The following CHRM3 variants were observed in gnomAD, a reference collection of about 807,000 sequenced individuals.
CHRM3 encodes cholinergic receptor muscarinic 3.
In CHRM3, 11 loss-of-function variants were observed where a neutral mutation model predicts 41.8. The ratio of observed to expected loss-of-function variants is 0.26; its 90% CI spans 0.17 to 0.44. The LOEUF is 0.44. Among genes scored for constraint, CHRM3 ranks in the 20% least tolerant of loss-of-function variants. The pLI is 1.00. For synonymous variants in CHRM3, 297 were observed against 301.4 expected, an observed-to-expected ratio of 0.99 and a Z score of 0.15; for missense variants, 571 against 745.4, an observed-to-expected ratio of 0.77 and a Z score of 2.72.
chr1:239,737,209 A>T (rs1375431636), intron 5 of CHRM3, among the ~76,000 whole-genome samples: 1 of 152,220 alleles, frequency 6.6e-6, no homozygotes, highest in Non-Finnish European at 1.5e-5. Flanking sequence ...AAGAATTTTC[A>T]TCCCACATTT....
chr1:239,872,287 G>C (rs184710070), intron 6 of CHRM3, among the ~76,000 whole-genome samples: 1 of 152,168 alleles, frequency 6.6e-6, no homozygotes, highest in Admixed American at 6.5e-5. Flanking sequence ...AACCCGAAAG[G>C]CCTTAGTTTT....
At chr1:239,496,959 A>T (rs1026497244) in intron 2 of CHRM3, among the ~76,000 whole-genome samples, 1 of 152,138 alleles carries the variant, frequency 6.6e-6, no homozygotes, top group Non-Finnish European at 1.5e-5. Context: ...TTTAGGTTGG[A>T]TGCATGGTAA....
chr1:239,431,180 C>T (rs1468307335), intron 1 of CHRM3, among the ~76,000 whole-genome samples: 5 of 152,036 alleles, frequency 3.3e-5, no homozygotes, highest in African/African-American at 9.7e-5. Context: ...CAGTCAAATG[C>T]TCGTGTACAT....
intron 6 of CHRM3, among the ~76,000 whole-genome samples, chr1:239,882,176 G>T (rs867630851): frequency 1.8e-4 from 28 of 152,132 alleles, no homozygotes; most frequent in Non-Finnish European, 1.2e-4. Flanking sequence ...CCAAAGTGCT[G>T]GGATTACAGG....
chr1:239,399,125 G>GTGA (rs945811498), intron 1 of CHRM3, among the ~76,000 whole-genome samples: 19 of 152,220 alleles, frequency 1.2e-4, no homozygotes, highest in African/African-American at 4.6e-4. Context: ...GGTAACGATG[G>GTGA]TGATGATGAT....
intron 6 of CHRM3, among the ~76,000 whole-genome samples, chr1:239,864,494 C>T (rs994596697): frequency 1.3e-5 from 2 of 149,992 alleles, no homozygotes; most frequent in African/African-American, 2.5e-5. Context: ...GCAACAAGAG[C>T]GAAACTCCGT....
Position 239,480,543 on chromosome 1 carries a change from A to ATTTTGTTTTTTTTTT in CHRM3, c.-520-12162_-520-12161insGTTTTTTTTTTTTTT, listed in dbSNP as rs1558254333. ...ACTCAGGTAATCCTACGATAGCCCA[A>ATTTTGTTTTTTTTTT]TTTTTTTTTTTTTTTTTTTTTTTTT... is the stretch of plus-strand genomic sequence containing the variant. On this transcript the variant is annotated intron_variant, in intron 1 of 6. Transcript: ENST00000676153. 4.5e-5 allele frequency among the ~76,000 whole-genome samples: 5 copies of ATTTTGTTTTTTTTTT among 110,720 alleles called. 2 individuals carry two copies. The highest frequency in any genetic ancestry group is 5.2e-5 in the Non-Finnish European group (3 of 57,530). 72.6% of individuals were successfully genotyped at this position (110,720 alleles called of 152,430 possible).
chr1:239,750,625 T>A (rs866678991), intron 5 of CHRM3, among the ~76,000 whole-genome samples: 1 of 152,196 alleles, frequency 6.6e-6, no homozygotes, highest in African/African-American at 2.4e-5. Flanking sequence ...CTTGCGTTAA[T>A]CACAGAGTTT....
chr1:239,588,228 T>C (rs969841492), intron 3 of CHRM3, among the ~76,000 whole-genome samples: 9 of 152,328 alleles, frequency 5.9e-5, no homozygotes, highest in African/African-American at 1.2e-4. Flanking sequence ...CTAGGGACAG[T>C]ATTTATGAAA....
intron 1 of CHRM3, among the ~76,000 whole-genome samples, chr1:239,403,203 CTT>C (rs1291137357): frequency 6.6e-6 from 1 of 152,178 alleles, no homozygotes; most frequent in East Asian, 1.9e-4. Flanking sequence ...GCCTCGTAGA[CTT>C]TACACCTTGT....
intron 6 of CHRM3, among the ~76,000 whole-genome samples, chr1:239,864,890 C>T (rs1202198157): frequency 6.6e-6 from 1 of 152,100 alleles, no homozygotes; most frequent in Non-Finnish European, 1.5e-5. Context: ...AGAGAAGAAC[C>T]TGATGCTGTC....
At chr1:239,767,236 ATAAATTAAAGT>A (rs1667302612) in intron 5 of CHRM3, among the ~76,000 whole-genome samples, 1 of 152,146 alleles carries the variant, frequency 6.6e-6, no homozygotes, top group Admixed American at 6.5e-5. Context: ...CATGCCTAAG[ATAAATTAAAGT>A]TAAATTGTTA....
At chr1:239,517,133 C>T (rs1470068350) in intron 2 of CHRM3, among the ~76,000 whole-genome samples, 1 of 152,126 alleles carries the variant, frequency 6.6e-6, no homozygotes, top group African/African-American at 2.4e-5. Context: ...CTGCCCGGTC[C>T]ATAGAAAAAT....
intron 6 of CHRM3, among the ~76,000 whole-genome samples, chr1:239,858,521 G>A (rs1277013734): frequency 4.3e-4 from 62 of 143,686 alleles, no homozygotes; most frequent in South Asian, 4.4e-4. Flanking sequence ...TTTTCATTTG[G>A]AAAAAAAAAA....
chr1:239,814,514 T>C (rs1671408502), intron 5 of CHRM3, among the ~76,000 whole-genome samples: 2 of 152,182 alleles, frequency 1.3e-5, no homozygotes, highest in Non-Finnish European at 2.9e-5. Context: ...CCTGTTTTCT[T>C]TCCTCTGTGG....
intron 6 of CHRM3, among the ~76,000 whole-genome samples, chr1:239,895,428 C>T (rs10926006): frequency 0.28 from 42,621 of 151,930 alleles, 6,905 homozygotes; most frequent in African/African-American, 0.45. Context: ...TTTCACAGAT[C>T]TTGCTTTCTC....
At chr1:239,482,162 C>T (rs1666899046) in intron 1 of CHRM3, among the ~76,000 whole-genome samples, 1 of 152,126 alleles carries the variant, frequency 6.6e-6, no homozygotes, top group South Asian at 2.1e-4. Context: ...GGCACTTCTG[C>T]CCCTGCCTCG....
intron 5 of CHRM3, among the ~76,000 whole-genome samples, chr1:239,678,576 A>G (rs1338835781): frequency 2.0e-5 from 3 of 152,204 alleles, no homozygotes; most frequent in Non-Finnish European, 2.9e-5. Flanking sequence ...AATAAGAATT[A>G]TCCAGAAATC....
chr1:239,870,021 C>T (rs1676442674), intron 6 of CHRM3, among the ~76,000 whole-genome samples: 1 of 152,098 alleles, frequency 6.6e-6, no homozygotes, highest in Non-Finnish European at 1.5e-5. Flanking sequence ...GTATTATGTC[C>T]TTTATGTTTG....
Sources: allele counts gnomAD v4.1 joint callset (sites outside exome capture counted in the v4.1 genomes callset), GRCh38; gene constraint gnomAD v4.1.1; transcripts MANE v1.5; gene names NCBI Gene and HGNC (gene_info 2026-07-23, HGNC 2026-07-21).